Variants in CADPS observed in about 807,000 individuals in gnomAD.
CADPS encodes the protein calcium dependent secretion activator.
In CADPS, 57 loss-of-function variants were observed where a neutral mutation model predicts 167.3. That is an observed-to-expected ratio of 0.34 (90% CI 0.28 to 0.42). The LOEUF (loss-of-function observed/expected upper bound fraction) is 0.42. Ranked by LOEUF, CADPS falls within the 20% of genes least tolerant of loss-of-function variation. The probability of loss-of-function intolerance (pLI) is 1.00; values close to 1 mark genes in which losing one functional copy is unlikely to be tolerated. For missense variants in CADPS, 1,414 were observed against 1,738.1 expected (o/e 0.81, Z 3.32); for synonymous variants, 676 against 635.3 (o/e 1.06, Z -0.96).
At chr3:62,633,234 CACTT>C (rs1392329355) in intron 6 of CADPS, among the ~76,000 whole-genome samples, 1 of 152,174 alleles carries the variant, frequency 6.6e-6, no homozygotes, top group Non-Finnish European at 1.5e-5. Flanking sequence ...CTGTCCCTCT[CACTT>C]GCTTTCCTCT....
At chr3:62,870,746 T>A (rs145448479) in intron 1 of CADPS, among the ~76,000 whole-genome samples, 1 of 152,176 alleles carries the variant, frequency 6.6e-6, no homozygotes, top group African/African-American at 2.4e-5. Context: ...ATTTAAAAAA[T>A]GGTCATGTCA....
intron 1 of CADPS, among the ~76,000 whole-genome samples, chr3:62,832,824 T>A (rs2075314535): frequency 6.6e-6 from 1 of 152,134 alleles, no homozygotes; most frequent in South Asian, 2.1e-4. Context: ...AATCTCCCAA[T>A]CTCGCAGTCA....
At chr3:62,414,129 C>T (rs1281892535) in intron 28 of CADPS, among the ~76,000 whole-genome samples, 3 of 152,140 alleles carry the variant, frequency 2.0e-5, no homozygotes, top group African/African-American at 7.2e-5. Flanking sequence ...ACTGAGAATC[C>T]TCATAGAGGA....
intron 1 of CADPS, among the ~76,000 whole-genome samples, chr3:62,781,206 A>G (rs535813434): frequency 5.3e-5 from 8 of 152,258 alleles, no homozygotes; most frequent in Middle Eastern, 6.8e-3. Context: ...CAGACTCCAC[A>G]ATCTCTCTCA....
Position 62,438,073 on chromosome 3 carries a change from GGTTTTC to G in CADPS, c.3777+25_3777+30del, listed in dbSNP as rs746161087. ...TCACATTTTGGAGGGTCTCCTCCTT[GGTTTTC>G]AAGGAGGAGAAGGCATTTACTTACA... On this transcript the variant is annotated intron_variant, in intron 28 of 29. Coordinates refer to ENST00000383710, the MANE Select transcript of CADPS (RefSeq NM_003716.4). The surrounding 1 kb of genome is among the most constrained non-coding windows in gnomAD (Gnocchi z 4.7). 3 of 1,453,832 alleles carry G rather than the reference GGTTTTC, an allele frequency of 2.1e-6. No individual in the cohort carries two copies. Among genetic ancestry groups the G allele is most frequent in the Non-Finnish European group, 2.9e-6 (3 of 1,036,870 alleles). 90.1% of individuals were successfully genotyped at this position (1,453,832 alleles called of 1,614,324 possible). A position where few individuals can be genotyped will look rare whatever the true frequency, so the allele number is the denominator to read the frequency against.
intron 18 of CADPS, among the ~76,000 whole-genome samples, chr3:62,497,299 A>C (rs1363900625): frequency 6.6e-6 from 1 of 152,190 alleles, no homozygotes; most frequent in African/African-American, 2.4e-5. Context: ...GATTCACTTA[A>C]AAGCACAATT....
At chr3:62,792,886 C>T (rs2093070769) in intron 1 of CADPS, among the ~76,000 whole-genome samples, 1 of 152,202 alleles carries the variant, frequency 6.6e-6, no homozygotes, top group Non-Finnish European at 1.5e-5. Flanking sequence ...GCATAAGTCA[C>T]TGCACACAGC....
chr3:62,592,655 C>T lies in CADPS; in HGVS notation c.1419G>A (p.Glu473=), dbSNP rs1279130617. Residue 473 remains glutamate, a synonymous_variant, in exon 7 of 30, where the codon GAG becomes GAA. Coordinates refer to ENST00000383710, the MANE Select transcript of CADPS (RefSeq NM_003716.4). ...TGCTTACCCGCCCAAGCTCCTTGTCCTCCAACGCCAGGACGCCTGTGCTCT... is the reference window on the plus strand; with the variant it reads ...TGCTTACCCGCCCAAGCTCCTTGTCTTCCAACGCCAGGACGCCTGTGCTCT... The part of the protein sequence containing the change: ...FTESTGVLAL[E]DKELGRVILH... The T allele has an allele frequency of 1.2e-5, 19 of 1,613,778 alleles. No individual in the cohort carries two copies. The highest frequency in any genetic ancestry group is 1.5e-5 in the Non-Finnish European group (18 of 1,179,684).
At chr3:62,584,444 C>A (rs1366227782) in intron 8 of CADPS, among the ~76,000 whole-genome samples, 1 of 152,200 alleles carries the variant, frequency 6.6e-6, no homozygotes, top group Non-Finnish European at 1.5e-5. Context: ...AGCGTACCTG[C>A]AGAATACCCG....
intron 1 of CADPS, among the ~76,000 whole-genome samples, chr3:62,825,343 G>T (rs1334906574): frequency 6.6e-6 from 1 of 152,082 alleles, no homozygotes; most frequent in Admixed American, 6.6e-5. Context: ...GATCCCAAAG[G>T]CTCTCAAAGT....
At chr3:62,789,092 A>G (rs1261858343) in intron 1 of CADPS, among the ~76,000 whole-genome samples, 2 of 152,194 alleles carry the variant, frequency 1.3e-5, no homozygotes, top group Non-Finnish European at 2.9e-5. Context: ...GTGGTGGTTC[A>G]AAGCACTGAG....
intron 17 of CADPS, among the ~76,000 whole-genome samples, chr3:62,506,802 C>G (rs2066767382): frequency 6.6e-6 from 1 of 152,164 alleles, no homozygotes; most frequent in African/African-American, 2.4e-5. Flanking sequence ...CACTGTGGCC[C>G]TTCTCTGGAA....
At chr3:62,419,076 A>G (rs550209208) in intron 28 of CADPS, among the ~76,000 whole-genome samples, 19 of 152,162 alleles carry the variant, frequency 1.2e-4, no homozygotes, top group Non-Finnish European at 2.8e-4. Context: ...AGAAGCTGAC[A>G]CCTTACTTTC....
chr3:62,489,001 C>A (rs765297290), intron 21 of CADPS, among the ~76,000 whole-genome samples: 1 of 152,042 alleles, frequency 6.6e-6, no homozygotes, highest in Non-Finnish European at 1.5e-5. Context: ...ATTGCCCATG[C>A]AAGAGTTCAA....
rs138282882 is a variant in CADPS, at chr3:62,699,232, T to C, written c.889-36838A>G. ...AAATCTGTTTTGTAGAGTCAGGGTC[T>C]CACTATGTTGCCCAGGCTGATCTTG... On this transcript the variant is annotated intron_variant, in intron 3 of 29. Transcript: ENST00000383710. 5.1e-3 allele frequency among the ~76,000 whole-genome samples: 769 copies of C among 152,178 alleles called. 2 individuals carry two copies. The highest frequency in any genetic ancestry group is 7.7e-3 in the Non-Finnish European group (524 of 68,014).
chr3:62,658,347 G>A (rs1159636967), intron 4 of CADPS, among the ~76,000 whole-genome samples: 1 of 152,128 alleles, frequency 6.6e-6, no homozygotes, highest in South Asian at 2.1e-4. Flanking sequence ...GAGAGTTCAG[G>A]ATGAGGCAAG....
chr3:62,812,462 C>A (rs992983169), intron 1 of CADPS, among the ~76,000 whole-genome samples: 3 of 152,084 alleles, frequency 2.0e-5, no homozygotes, highest in Non-Finnish European at 4.4e-5. Context: ...TCCCTTCCTG[C>A]TAGAAAATGA....
chr3:62,490,924 G>A (rs2063578619), intron 21 of CADPS, among the ~76,000 whole-genome samples: 1 of 152,148 alleles, frequency 6.6e-6, no homozygotes, highest in South Asian at 2.1e-4. Flanking sequence ...AAAAGCCTAA[G>A]TATATAGTAT....
At chr3:62,425,022 C>G (rs940313029) in intron 28 of CADPS, among the ~76,000 whole-genome samples, 6 of 152,182 alleles carry the variant, frequency 3.9e-5, no homozygotes, top group African/African-American at 1.4e-4. Context: ...GAAGAAAGGG[C>G]CCTGAGGATC....
Sources: gnomAD v4.1 joint callset for allele counts (sites outside exome capture counted in the v4.1 genomes callset) on GRCh38, gnomAD v4.1.1 for gene constraint, Gnocchi (gnomAD v3.1) non-coding constraint, MANE v1.5 for transcripts, NCBI Gene and HGNC (gene_info 2026-07-23, HGNC 2026-07-21) for gene names.